The following TNS1 variants were observed in gnomAD, a reference collection of about 807,000 sequenced individuals.
The protein encoded by TNS1 is tensin-1.
A neutral mutation model predicts 168.6 loss-of-function variants in TNS1; 62 were observed. The ratio of observed to expected loss-of-function variants is 0.37; its 90% CI spans 0.30 to 0.45. TNS1 has a LOEUF of 0.45. Ranked by LOEUF, TNS1 falls within the 20% of genes least tolerant of loss-of-function variation. TNS1 has a pLI of 1.00. For synonymous variants in TNS1, 934 were observed against 933.2 expected (o/e 1.00, Z -0.02); for missense variants, 2,240 against 2,339.4 (o/e 0.96, Z 0.88).
At chr2:217,966,139 C>T (rs908414663) in intron 3 of TNS1, among the ~76,000 whole-genome samples, 2 of 152,114 alleles carry the variant, frequency 1.3e-5, no homozygotes, top group African/African-American at 4.8e-5. Context: ...TTTACACAGC[C>T]GCAGCGTCAG....
intron 12 of TNS1, among the ~76,000 whole-genome samples, chr2:217,888,106 G>A (rs1052091967): frequency 2.6e-5 from 4 of 152,184 alleles, no homozygotes; most frequent in Admixed American, 2.6e-4. Context: ...TAATCTGATG[G>A]GCAGCACCCG....
intron 3 of TNS1, among the ~76,000 whole-genome samples, chr2:217,974,999 G>A (rs1957860366): frequency 1.3e-5 from 2 of 152,202 alleles, no homozygotes; most frequent in African/African-American, 4.8e-5. Context: ...ATAACAGTGT[G>A]TCTTCCAAGG....
chr2:217,825,751 C>G (rs538220721), intron 22 of TNS1, among the ~76,000 whole-genome samples: 81 of 152,308 alleles, frequency 5.3e-4, no homozygotes, highest in African/African-American at 1.6e-3. Context: ...TGAGCTGCAG[C>G]CTGGGAGTCT....
At chr2:217,877,323 C>T (rs1261334100) in intron 18 of TNS1, among the ~76,000 whole-genome samples, 2 of 152,166 alleles carry the variant, frequency 1.3e-5, no homozygotes, top group Admixed American at 6.5e-5. Flanking sequence ...GTATGGGTTC[C>T]GGGGTGCTGT....
At chr2:218,017,060 G>A (rs1958768332) in intron 1 of TNS1, among the ~76,000 whole-genome samples, 1 of 152,188 alleles carries the variant, frequency 6.6e-6, no homozygotes, top group Admixed American at 6.5e-5. Context: ...ATGCCTGGGA[G>A]CTCCCAGTGA....
Position 217,993,652 on chromosome 2 carries a change from C to T in TNS1, c.34-2596G>A, listed in dbSNP as rs76285437. Among the ~76,000 whole-genome samples, 426 of 152,326 alleles carry T rather than the reference C, an allele frequency of 2.8e-3. 16 individuals are homozygous for T. In the East Asian group the frequency reaches 0.072, roughly 26 times the overall value. ...TGAAGGCAGCAAAAAGACTTGGCAA[C>T]CGAAAGTAACGGCGGCTTCTGAACC... On this transcript the variant is annotated intron_variant, in intron 1 of 32. Transcript: ENST00000682258.
At chr2:217,966,119 T>C (rs1358689007) in intron 3 of TNS1, among the ~76,000 whole-genome samples, 1 of 152,118 alleles carries the variant, frequency 6.6e-6, no homozygotes, top group Non-Finnish European at 1.5e-5. Context: ...CAGCAAACCC[T>C]TGTGTGATGT....
intron 3 of TNS1, among the ~76,000 whole-genome samples, chr2:217,923,831 C>T (rs931790473): frequency 1.3e-5 from 2 of 152,296 alleles, no homozygotes; most frequent in South Asian, 2.1e-4. Flanking sequence ...AGGTGGAGCC[C>T]CGTGGGTGCA....
chr2:217,990,917 C>T (rs1473374137), intron 2 of TNS1, 25 bp downstream of exon 2: 1 of 588,928 alleles, frequency 1.7e-6, no homozygotes. Context: ...TGCTCCCATC[C>T]CCCACAGCCC....
At chr2:217,979,276 G>A (rs927969544) in intron 2 of TNS1, among the ~76,000 whole-genome samples, 14 of 151,728 alleles carry the variant, frequency 9.2e-5, no homozygotes, top group Non-Finnish European at 2.9e-5. Flanking sequence ...GTCCAGGAGC[G>A]GGCCCACGCA....
In TNS1 at chr2:217,847,806, G is replaced by T. The variant is rs200420863; in HGVS notation, c.2711C>A (p.Ala904Asp). Reference sequence around the variant, plus strand: ...GACAGACTCCAGAGAGGCCCGTGGGGCTGGCTCAGGGGTTCCCAACGAATG... The same window carrying T: ...GACAGACTCCAGAGAGGCCCGTGGGTCTGGCTCAGGGGTTCCCAACGAATG... Reference protein sequence around the residue: ...SGHSLGTPEPAPRASLESVPP... With the variant: ...SGHSLGTPEPDPRASLESVPP... Residue 904 changes from alanine to aspartate, a missense_variant, in exon 19 of 33, where the codon GCC becomes GAC. Transcript: ENST00000682258. 1.3e-5 allele frequency: 21 copies of T among 1,601,758 alleles called. No individual in the cohort carries two copies. In the East Asian group the frequency reaches 4.5e-4, roughly 34 times the overall value.
chr2:217,954,411 T>G (rs1003593029), intron 3 of TNS1, among the ~76,000 whole-genome samples: 17 of 152,194 alleles, frequency 1.1e-4, no homozygotes, highest in African/African-American at 2.4e-5. Flanking sequence ...GCGATGATGC[T>G]GATGATGATG....
Position 217,895,079 on chromosome 2 carries a change from A to G in TNS1, c.544-23T>C, listed in dbSNP as rs554034681. On this transcript the variant is annotated intron_variant, in intron 8 of 32. Transcript: ENST00000682258. ...CAGCTAGAAGGAGCAAAAGGAAGAGAGCATGAGGAGGTGAGGGTGAGGAGG... is the reference window on the plus strand; with the variant it reads ...CAGCTAGAAGGAGCAAAAGGAAGAGGGCATGAGGAGGTGAGGGTGAGGAGG... The G allele has an allele frequency of 9.0e-5, 145 of 1,604,652 alleles. 4 individuals are homozygous for G. The South Asian group carries it at 1.6e-3, about 17-fold the overall frequency.
chr2:217,985,778 A>G (rs1201146042), intron 2 of TNS1, among the ~76,000 whole-genome samples: 1 of 152,098 alleles, frequency 6.6e-6, no homozygotes, highest in Non-Finnish European at 1.5e-5. Context: ...CAATCAGCCC[A>G]AGTTCTTACT....
At chr2:218,021,322 G>A (rs1958804761) in intron 1 of TNS1, among the ~76,000 whole-genome samples, 2 of 152,198 alleles carry the variant, frequency 1.3e-5, no homozygotes, top group African/African-American at 4.8e-5. Context: ...GAAAAGGGAT[G>A]GGGACTGCTG....
intron 3 of TNS1, among the ~76,000 whole-genome samples, chr2:217,978,026 TC>T (rs1185637665): frequency 6.6e-6 from 1 of 151,956 alleles, no homozygotes; most frequent in Non-Finnish European, 1.5e-5. Flanking sequence ...TTGGTGCCAA[TC>T]CCCCACCCCC....
intron 11 of TNS1, 85 bp from the exon 12 acceptor site, chr2:217,891,130 G>T (rs2125700973): frequency 1.5e-6 from 2 of 1,335,300 alleles, no homozygotes; most frequent in Non-Finnish European, 2.1e-6. Flanking sequence ...CCTCAGACCT[G>T]CAGAGCACTC....
intron 3 of TNS1, among the ~76,000 whole-genome samples, chr2:217,926,902 G>A (rs184648336): frequency 7.3e-4 from 111 of 152,346 alleles, no homozygotes; most frequent in African/African-American, 2.2e-3. Flanking sequence ...CACCTGTCAC[G>A]CTGCCTCTAC....
Position 217,893,400 on chromosome 2 carries a change from G to GCACACACACACACACACACACACACA in TNS1, c.717+13_717+38dup, listed in dbSNP as rs55877465. 3 of 1,251,208 alleles carry GCACACACACACACACACACACACACA rather than the reference G, an allele frequency of 2.4e-6. No homozygotes were observed. The African/African-American group carries it at 4.6e-5, about 19-fold the overall frequency. The allele number at this position is 1,251,208 out of a possible 1,614,324, so 77.5% of individuals were successfully genotyped here. A position where few individuals can be genotyped will look rare whatever the true frequency, so the allele number is the denominator to read the frequency against. On this transcript the variant is annotated intron_variant, in intron 10 of 32. Transcript: ENST00000682258. Reference sequence around the variant, plus strand: ...CACACATGTGCGCATGTGCGCGCGCGCACACACACACACACACACACACAC... The same window carrying GCACACACACACACACACACACACACA: ...CACACATGTGCGCATGTGCGCGCGCGCACACACACACACACACACACACACACACACACACACACACACACACACAC...
Sources: allele counts gnomAD v4.1 joint callset (sites outside exome capture counted in the v4.1 genomes callset), GRCh38; gene constraint gnomAD v4.1.1; transcripts MANE v1.5; gene names NCBI Gene and HGNC (gene_info 2026-07-23, HGNC 2026-07-21).